The following PCDHGB6 variants were observed in gnomAD, a reference collection of about 807,000 sequenced individuals.
PCDHGB6 encodes protocadherin gamma subfamily B, 6, also known as protocadherin gamma-B6.
Under a neutral mutation model 59.1 loss-of-function variants are expected in PCDHGB6, and 51 were observed. That is an observed-to-expected ratio of 0.86 (90% confidence interval 0.69 to 1.09). The LOEUF is 1.09. Ranked by LOEUF, PCDHGB6 falls within the 50% of genes least tolerant of loss-of-function variation. The pLI, the probability that PCDHGB6 is intolerant of heterozygous loss-of-function variation, is 0.00. For synonymous variants in PCDHGB6, 466 were observed against 495.1 expected, an observed-to-expected ratio of 0.94 and a Z score of 0.78; for missense variants, 1,148 against 1,205.1, an observed-to-expected ratio of 0.95 and a Z score of 0.70.
chr5:141,447,356 C>T (rs1158878203), intron 1 of PCDHGB6, among the ~76,000 whole-genome samples: 4 of 152,000 alleles, frequency 2.6e-5, no homozygotes, highest in African/African-American at 9.7e-5. Context: ...TCAGGCTGGT[C>T]TCAAACTCCT....
Position 141,408,182 on chromosome 5 carries a change from C to G in PCDHGB6, c.-21C>G. The G allele has an allele frequency of 6.5e-7, 1 of 1,537,898 alleles. No individual in the cohort carries two copies. Among genetic ancestry groups the G allele is most frequent in the Non-Finnish European group, 8.8e-7 (1 of 1,139,354 alleles). ...TTCTCCAACTGGAAAAGCGGGGACC[C>G]AGCGAGAACCCGAGCGAACGATGGG... On this transcript the variant is annotated 5_prime_UTR_variant, in exon 1 of 4. Coordinates refer to ENST00000520790, the MANE Select transcript of PCDHGB6 (RefSeq NM_018926.3).
intron 1 of PCDHGB6, chr5:141,428,402 G>T (rs899477196): frequency 1.7e-5 from 8 of 479,776 alleles, no homozygotes; most frequent in African/African-American, 1.4e-4. Flanking sequence ...TCTGCCTGGG[G>T]TTGCTTTCAC....
chr5:141,454,796 A>ATTTTTTTTTTTTTT lies in PCDHGB6; in HGVS notation c.2419-39995_2419-39982dup, dbSNP rs61612330. ...AAGGAAATAATCCTCCATGGTTCTA[A>ATTTTTTTTTTTTTT]TTTTTTTTTTTTTTTTTTTTTTTTT... On this transcript the variant is annotated intron_variant, in intron 1 of 3. Coordinates refer to ENST00000520790, the MANE Select transcript of PCDHGB6 (RefSeq NM_018926.3). 1.1e-3 allele frequency among the ~76,000 whole-genome samples: 87 copies of ATTTTTTTTTTTTTT among 77,456 alleles called. 11 individuals carry two copies. The highest frequency in any genetic ancestry group is 1.4e-3 in the Admixed American group (8 of 5,554). The allele number at this position is 77,456 out of a possible 152,430, so 50.8% of individuals were successfully genotyped here.
chr5:141,432,139 TATCCCAGAGAACA>T lies in PCDHGB6; in HGVS notation c.2418+21529_2418+21541del, dbSNP rs745506362. On this transcript the variant is annotated intron_variant, in intron 1 of 3. Transcript: ENST00000520790. The surrounding 1 kb of genome is among the most constrained non-coding windows in gnomAD (Gnocchi z 6.0). ...TCCCTCAGGCCTCCTATTCCGCTTA[TATCCCAGAGAACA>T]ATCCCAGAGGAGTTTCCCTCGTCTC... 1.1e-5 allele frequency: 17 copies of T among 1,613,976 alleles called. No individual in the cohort carries two copies. The highest frequency in any genetic ancestry group is 1.3e-5 in the African/African-American group (1 of 74,892).
chr5:141,427,717 A>G (rs1038823851), intron 1 of PCDHGB6: 20 of 1,076,234 alleles, frequency 1.9e-5, no homozygotes, highest in African/African-American at 1.1e-4. Context: ...TCTGACCTGG[A>G]CCTAGGGCTG....
Position 141,409,055 on chromosome 5 carries a change from G to T in PCDHGB6, c.853G>T (p.Ala285Ser), listed in dbSNP as rs141881204. 10 of 1,614,038 alleles carry T rather than the reference G, an allele frequency of 6.2e-6. No individual in the cohort carries two copies. Among genetic ancestry groups the T allele is most frequent in the Non-Finnish European group, 8.5e-6 (10 of 1,179,908 alleles). ...GATAAACTACTACTTCCGAAGCACTGCCCAGAGCACAAAACATATGTTCTC... is the reference window on the plus strand; with the variant it reads ...GATAAACTACTACTTCCGAAGCACTTCCCAGAGCACAAAACATATGTTCTC... The part of the protein sequence containing the change: ...AEINYYFRST[A>S]QSTKHMFSLD... Residue 285 changes from alanine (A) to serine (S), a missense_variant, in exon 1 of 4, where the codon GCC becomes TCC. By Grantham distance (99) the Ala-to-Ser change is moderately conservative. Transcript: ENST00000520790.
intron 1 of PCDHGB6, among the ~76,000 whole-genome samples, chr5:141,450,223 G>A (rs1458841129): frequency 2.0e-5 from 3 of 151,818 alleles, no homozygotes; most frequent in Non-Finnish European, 4.4e-5. Context: ...TCACTATGTT[G>A]GCCAGGCTAG....
rs760397726 is a variant in PCDHGB6 at position 141,410,037 on chromosome 5, G to T, written c.1835G>T (p.Ser612Ile). 1.2e-6 allele frequency: 2 copies of T among 1,613,250 alleles called. No homozygotes were observed. Among genetic ancestry groups the T allele is most frequent in the South Asian group, 2.2e-5 (2 of 91,074 alleles). Residue 612 changes from serine (S) to isoleucine (I), a missense_variant, in exon 1 of 4, where the codon AGT becomes ATT. Coordinates refer to ENST00000520790, the MANE Select transcript of PCDHGB6 (RefSeq NM_018926.3). ...AWLSYHVLQASEPGLFSLGLR... is the reference protein window; with the variant it reads ...AWLSYHVLQAIEPGLFSLGLR... ...CTGTCCTACCACGTGCTGCAGGCCA[G>T]TGAGCCCGGACTCTTCAGCCTGGGG... is the stretch of plus-strand genomic sequence containing the variant.
chr5:141,502,475 A>G (rs1246548191), intron 2 of PCDHGB6, among the ~76,000 whole-genome samples: 1 of 150,884 alleles, frequency 6.6e-6, no homozygotes, highest in Non-Finnish European at 1.5e-5. Context: ...TTCCCGCAGC[A>G]TCACACTGGG....
intron 3 of PCDHGB6, among the ~76,000 whole-genome samples, chr5:141,506,198 C>T (rs985517638): frequency 3.3e-5 from 5 of 152,156 alleles, no homozygotes; most frequent in Admixed American, 6.5e-5. Context: ...CGCCTGTAAT[C>T]CCAGCACTTT....
At position 141,431,274 on chromosome 5, in the gene PCDHGB6, TC is replaced by T. The variant is rs767658803; in HGVS notation, c.2418+20655del. On this transcript the variant is annotated intron_variant, in intron 1 of 3. Transcript: ENST00000520790. The surrounding 1 kb of genome is among the most constrained non-coding windows in gnomAD (Gnocchi z 4.8). ...AAGAACTCTCTGCAGAGCTACGAGC[TC>T]AGCCCGAACACTCACTTCTCCCTCA... 6 of 1,614,128 alleles carry T rather than the reference TC, an allele frequency of 3.7e-6. No homozygotes were observed. Among genetic ancestry groups the T allele is most frequent in the Non-Finnish European group, 5.1e-6 (6 of 1,180,024 alleles).
At position 141,421,932 on chromosome 5, in the gene PCDHGB6, T is replaced by C. The variant is rs747598404; in HGVS notation, c.2418+11312T>C. On this transcript the variant is annotated intron_variant, in intron 1 of 3. Transcript: ENST00000520790. The stretch of plus-strand genomic sequence containing the variant: ...TTCCCATTCGTGTGGTGGTCCTCGA[T>C]GTAAATGATCACATCCCAATGTTTA... 3 of 1,613,588 alleles carry C rather than the reference T, an allele frequency of 1.9e-6. No individual in the cohort carries two copies. The East Asian group carries it at 6.7e-5, about 36-fold the overall frequency.
chr5:141,414,212 A>G (rs778319178), intron 1 of PCDHGB6: 1 of 1,612,944 alleles, frequency 6.2e-7, no homozygotes, highest in Admixed American at 1.7e-5. Flanking sequence ...GATGTAAATG[A>G]CAACAGTCCA....
At chr5:141,427,869 A>G in intron 1 of PCDHGB6, 3 of 1,559,604 alleles carry the variant, frequency 1.9e-6, no homozygotes, top group Non-Finnish European at 2.6e-6. Flanking sequence ...CTTCGAGCTC[A>G]CGATGCAGGC....
intron 1 of PCDHGB6, among the ~76,000 whole-genome samples, chr5:141,447,542 T>G (rs980012061): frequency 1.3e-5 from 2 of 152,216 alleles, no homozygotes; most frequent in African/African-American, 4.8e-5. Context: ...TGGGTTTTAA[T>G]GTTATGAGTA....
At position 141,432,643 on chromosome 5, in the gene PCDHGB6, G is replaced by A. The variant is rs2097523971; in HGVS notation, c.2418+22023G>A. 15 of 1,613,754 alleles carry A rather than the reference G, an allele frequency of 9.3e-6. No homozygotes were observed. Among genetic ancestry groups the A allele is most frequent in the East Asian group, 4.5e-5 (2 of 44,860 alleles). ...GTCTGCACACGGGCGAGGTGCGCAC[G>A]GCGCGAGCCCTGCTGGACAGAGACG... On this transcript the variant is annotated intron_variant, in intron 1 of 3. Coordinates refer to ENST00000520790, the MANE Select transcript of PCDHGB6 (RefSeq NM_018926.3). This position sits in a 1 kb window ranked among gnomAD's most constrained non-coding sequence, Gnocchi z 6.0.
intron 1 of PCDHGB6, chr5:141,478,647 T>G (rs2099469515): frequency 6.4e-7 from 1 of 1,552,152 alleles, no homozygotes; most frequent in Non-Finnish European, 8.7e-7. Flanking sequence ...GAAGATGTTT[T>G]CCTGGTGATG....
chr5:141,507,097 A>G (rs1343795018), intron 3 of PCDHGB6: 1 of 152,082 alleles, frequency 6.6e-6, no homozygotes, highest in African/African-American at 2.4e-5. Flanking sequence ...TGCTCTTTCT[A>G]CTATAGGGAC....
intron 1 of PCDHGB6, among the ~76,000 whole-genome samples, chr5:141,449,674 TA>T (rs2154562752): frequency 6.6e-6 from 1 of 151,604 alleles, no homozygotes; most frequent in African/African-American, 2.4e-5. Context: ...AGTGTGTATG[TA>T]TATATGTTTG....
Sources: allele counts gnomAD v4.1 joint callset (sites outside exome capture counted in the v4.1 genomes callset), GRCh38; gene constraint gnomAD v4.1.1; non-coding constraint Gnocchi (gnomAD v3.1); transcripts MANE v1.5; gene names NCBI Gene and HGNC (gene_info 2026-07-23, HGNC 2026-07-21).